Variants in KANSL1 observed in about 807,000 individuals in gnomAD.
The protein encoded by KANSL1 is MLL1/MLL complex subunit KANSL1.
In KANSL1, 22 loss-of-function variants were observed where a neutral mutation model predicts 103.6. The observed-to-expected ratio is 0.21, with a 90% CI of 0.15 to 0.30. The LOEUF is 0.30. Among genes scored for constraint, KANSL1 ranks in the 10% least tolerant of loss-of-function variants. KANSL1 has a pLI of 1.00. For synonymous variants in KANSL1, 600 were observed against 527.6 expected (o/e 1.14, Z -1.88); for missense variants, 1,337 against 1,399.8 (o/e 0.96, Z 0.72).
intron 2 of KANSL1, among the ~76,000 whole-genome samples, chr17:46,098,944 T>G (rs2042191632): frequency 6.6e-6 from 1 of 152,222 alleles, no homozygotes; most frequent in South Asian, 2.1e-4. Context: ...GGATAAGATA[T>G]GAAGATGTTA....
intron 13 of KANSL1, 64 bp downstream of exon 13, chr17:46,033,016 A>C: frequency 2.4e-6 from 3 of 1,263,912 alleles, no homozygotes; most frequent in Non-Finnish European, 3.3e-6. Context: ...GGACTCAAGT[A>C]GGGCCCAAAC....
intron 6 of KANSL1, among the ~76,000 whole-genome samples, chr17:46,053,337 T>A (rs1253937983): frequency 6.6e-6 from 1 of 152,160 alleles, no homozygotes; most frequent in Non-Finnish European, 1.5e-5. Flanking sequence ...ATTCTACTTA[T>A]AACTTGACAA....
In KANSL1 at chr17:46,048,486, G is replaced by A. The variant is rs188805653; in HGVS notation, c.2020+2047C>T. ...TTGGGAGGCTGAGACAAAACTGCTT[G>A]AACCCAGGAGGTGGGGGCTGCAGTG... On this transcript the variant is annotated intron_variant, in intron 7 of 14. Coordinates refer to ENST00000432791, the MANE Select transcript of KANSL1 (RefSeq NM_015443.4). 2.0e-3 allele frequency among the ~76,000 whole-genome samples: 309 copies of A among 152,172 alleles called. 2 individuals are homozygous for A. The highest frequency in any genetic ancestry group is 7.3e-3 in the African/African-American group (303 of 41,530).
rs55934305 is a variant in KANSL1, at chr17:46,189,906, C to CAAAAAAAA, written c.-90+2909_-90+2916dup. 9.7e-4 allele frequency among the ~76,000 whole-genome samples: 109 copies of CAAAAAAAA among 112,432 alleles called. 7 individuals are homozygous for CAAAAAAAA. Among genetic ancestry groups the CAAAAAAAA allele is most frequent in the Middle Eastern group, 5.3e-3 (1 of 190 alleles). The allele number at this position is 112,432 out of a possible 152,430, so 73.8% of individuals were successfully genotyped here. A position where few individuals can be genotyped will look rare whatever the true frequency, so the allele number is the denominator to read the frequency against. On this transcript the variant is annotated intron_variant, in intron 1 of 14. Coordinates refer to ENST00000432791, the MANE Select transcript of KANSL1 (RefSeq NM_015443.4). Reference sequence around the variant, plus strand: ...TGGGCGACAGAACGAGACCCTGCCTCAAAAAAAAAAAAAAAAAAAATTGCT... The same window carrying CAAAAAAAA: ...TGGGCGACAGAACGAGACCCTGCCTCAAAAAAAAAAAAAAAAAAAAAAAAAAAATTGCT...
intron 2 of KANSL1, among the ~76,000 whole-genome samples, chr17:46,096,406 C>T (rs1425634047): frequency 1.4e-5 from 2 of 146,724 alleles, no homozygotes. Flanking sequence ...CACCAACCTT[C>T]GCCTCCCAGG....
intron 2 of KANSL1, among the ~76,000 whole-genome samples, chr17:46,151,496 G>A (rs1473496959): frequency 6.6e-6 from 1 of 152,114 alleles, no homozygotes; most frequent in Non-Finnish European, 1.5e-5. Flanking sequence ...AATCTCCTTA[G>A]GCTCTTTCCT....
intron 2 of KANSL1, among the ~76,000 whole-genome samples, chr17:46,158,254 T>C (rs2045538171): frequency 1.3e-5 from 2 of 152,262 alleles, no homozygotes; most frequent in Non-Finnish European, 2.9e-5. Context: ...AATGAAAGCA[T>C]TTTATTTTCC....
chr17:46,038,791 T>A, intron 9 of KANSL1, 105 bp from the exon 10 acceptor site: 1 of 1,423,538 alleles, frequency 7.0e-7, no homozygotes, highest in South Asian at 1.3e-5. Context: ...GCAAAAATGT[T>A]TTCTATGCCT....
chr17:46,136,462 C>T (rs933019650), intron 2 of KANSL1, among the ~76,000 whole-genome samples: 2 of 152,324 alleles, frequency 1.3e-5, no homozygotes, highest in Non-Finnish European at 1.5e-5. Context: ...TAAATGTCTT[C>T]CCCTACAAAT....
chr17:46,152,880 T>C (rs1784850118), intron 2 of KANSL1: 2 of 152,208 alleles, frequency 1.3e-5, no homozygotes, highest in Non-Finnish European at 1.5e-5. Context: ...GATAAATAAT[T>C]TTAAATTATT....
At chr17:46,181,138 T>C (rs933893823) in intron 1 of KANSL1, among the ~76,000 whole-genome samples, 1 of 152,330 alleles carries the variant, frequency 6.6e-6, no homozygotes. Context: ...GGGGCCAGTC[T>C]AACAAAAAGG....
intron 4 of KANSL1, among the ~76,000 whole-genome samples, chr17:46,079,251 A>G (rs929159098): frequency 3.9e-5 from 6 of 152,222 alleles, no homozygotes; most frequent in Admixed American, 3.3e-4. Context: ...TAATATCTGT[A>G]CTGTATTCAA....
intron 8 of KANSL1, 132 bp from the exon 9 acceptor site, chr17:46,039,347 GAAGTT>G: frequency 2.5e-6 from 2 of 803,356 alleles, no homozygotes; most frequent in Non-Finnish European, 3.7e-6. Context: ...CTTCAGGACT[GAAGTT>G]TCTAGTAATT....
chr17:46,178,411 G>A (rs2696696), intron 1 of KANSL1, among the ~76,000 whole-genome samples: 21,954 of 152,162 alleles, frequency 0.14, 2,136 homozygotes, highest in Non-Finnish European at 0.22. Context: ...ATTTACCGGT[G>A]GGGATAAAGT....
intron 2 of KANSL1, chr17:46,148,017 G>A (rs1231028479): frequency 6.6e-6 from 1 of 152,234 alleles, no homozygotes; most frequent in Non-Finnish European, 1.5e-5. Context: ...GTAAAACAGA[G>A]GAGGTAGGGA....
intron 2 of KANSL1, among the ~76,000 whole-genome samples, chr17:46,122,274 T>G (rs932192355): frequency 6.6e-6 from 1 of 152,248 alleles, no homozygotes; most frequent in Non-Finnish European, 1.5e-5. Flanking sequence ...TTGAGGAGAC[T>G]AGCCTGCTGC....
intron 2 of KANSL1, among the ~76,000 whole-genome samples, chr17:46,105,617 A>AAAAACAAAAAC (rs376202466): frequency 0.14 from 21,471 of 151,570 alleles, 2,095 homozygotes; most frequent in Non-Finnish European, 0.22. Context: ...CCCTGTCTCA[A>AAAAACAAAAAC]AAAAACAAAA....
At chr17:46,197,085 G>C (rs2732661), upstream of KANSL1, among the ~76,000 whole-genome samples, 18,498 of 149,802 alleles carry the variant, frequency 0.12, 23 homozygotes, top group Non-Finnish European at 0.19. Flanking sequence ...CTGCAAACCA[G>C]CCTGGGCAAC....
chr17:46,138,314 T>TA lies in KANSL1; in HGVS notation c.1289+32540dup, dbSNP rs541811303. ...CAATCAATCAAACAGCAAAAATATT[T>TA]AAAAAACAATGTCTGTACTGAATAT... On this transcript the variant is annotated intron_variant, in intron 2 of 14. Coordinates refer to ENST00000432791, the MANE Select transcript of KANSL1 (RefSeq NM_015443.4). Among the ~76,000 whole-genome samples the TA allele has an allele frequency of 1.9e-4, 29 of 152,326 alleles. No individual in the cohort carries two copies. In the South Asian group the frequency reaches 4.1e-3, roughly 22 times the overall value.
Sources: allele counts gnomAD v4.1 joint callset (sites outside exome capture counted in the v4.1 genomes callset), GRCh38; gene constraint gnomAD v4.1.1; transcripts MANE v1.5; gene names NCBI Gene and HGNC (gene_info 2026-07-23, HGNC 2026-07-21).